LRP6: variants seen among roughly 807,000 people sequenced by gnomAD.
The protein encoded by LRP6 is LDL receptor related protein 6.
A neutral mutation model predicts 184.1 loss-of-function variants in LRP6; 43 were observed. The ratio of observed to expected loss-of-function variants is 0.23; its 90% CI spans 0.18 to 0.30. LRP6 has a LOEUF of 0.30. Ranked by LOEUF, LRP6 falls within the 10% of genes least tolerant of loss-of-function variation. LRP6 has a pLI of 1.00. For synonymous variants in LRP6, 719 were observed against 684.9 expected (o/e 1.05, Z -0.78); for missense variants, 1,571 against 2,005.3 (o/e 0.78, Z 4.14).
chr12:12,124,347 TGG>T (rs1336921296), intron 22 of LRP6, among the ~76,000 whole-genome samples: 3 of 152,086 alleles, frequency 2.0e-5, no homozygotes, highest in Non-Finnish European at 4.4e-5. Context: ...CACTCCAGCC[TGG>T]GCAACAAGAG....
intron 1 of LRP6, 44 bp from the exon 2 acceptor site, chr12:12,244,699 C>T (rs201571941): frequency 4.9e-5 from 78 of 1,594,506 alleles, no homozygotes; most frequent in East Asian, 9.0e-5. Context: ...AGGAAGAAAA[C>T]GTATTGGTTC....
Position 12,183,941 on chromosome 12 carries a change from T to C in LRP6, c.976+39A>G, listed in dbSNP as rs1406829864. 5 of 1,581,180 alleles carry C rather than the reference T, an allele frequency of 3.2e-6. No homozygotes were observed. The African/African-American group carries it at 4.0e-5, about 13-fold the overall frequency. On this transcript the variant is annotated intron_variant, in intron 5 of 22. Transcript: ENST00000261349. Reference sequence around the variant, plus strand: ...GAAAACAAATCATGAAGAATTCCAATAGTTATAAAATTTTTCATTTTGGAT... The same window carrying C: ...GAAAACAAATCATGAAGAATTCCAACAGTTATAAAATTTTTCATTTTGGAT...
intron 12 of LRP6, 110 bp downstream of exon 12, chr12:12,158,719 C>T (rs1028317058): frequency 2.4e-5 from 25 of 1,050,778 alleles, no homozygotes; most frequent in Non-Finnish European, 3.5e-5. Flanking sequence ...AAACAAATAA[C>T]CCCCTCTGGA....
intron 2 of LRP6, among the ~76,000 whole-genome samples, chr12:12,227,270 G>A (rs1364565328): frequency 6.6e-6 from 1 of 152,140 alleles, no homozygotes; most frequent in African/African-American, 2.4e-5. Context: ...TTTGTTACCA[G>A]TAGACCTGCG....
intron 19 of LRP6, among the ~76,000 whole-genome samples, chr12:12,127,357 C>T (rs1404407367): frequency 2.6e-5 from 4 of 152,156 alleles, no homozygotes; most frequent in African/African-American, 9.7e-5. Context: ...GAAAAGTCAT[C>T]AAATGTTTTA....
intron 1 of LRP6, 115 bp downstream of exon 1, chr12:12,266,552 CACGACCAGGCCTCT>C: frequency 3.0e-5 from 25 of 839,912 alleles, no homozygotes; most frequent in Admixed American, 1.5e-4. Flanking sequence ...TCCCCCTCCC[CACGACCAGGCCTCT>C]CCCCGCTCCT....
intron 7 of LRP6, among the ~76,000 whole-genome samples, chr12:12,176,244 C>T (rs915264578): frequency 1.3e-5 from 2 of 152,104 alleles, no homozygotes; most frequent in Non-Finnish European, 2.9e-5. Context: ...GACAAGTAAA[C>T]TAGGTTTGTC....
chr12:12,158,821 C>T lies in LRP6; in HGVS notation c.2791+8G>A, dbSNP rs755694395. On this transcript the variant is annotated splice_region_variant and intron_variant, in intron 12 of 22. Coordinates refer to ENST00000261349, the MANE Select transcript of LRP6 (RefSeq NM_002336.3). ...TTCTAGCTTGCTTTGGAGGGAAATG[C>T]AGCTTACCACTACAAGTCCTGTTGT... is the stretch of plus-strand genomic sequence containing the variant. 1 of 1,613,546 alleles carries T rather than the reference C, an allele frequency of 6.2e-7. No homozygotes were observed. Among genetic ancestry groups the T allele is most frequent in the South Asian group, 1.1e-5 (1 of 91,070 alleles).
rs764270308 is a variant in LRP6, at chr12:12,149,140, A to C, written c.3008T>G (p.Val1003Gly). The C allele has an allele frequency of 1.2e-5, 19 of 1,613,818 alleles. No homozygotes were observed. Among genetic ancestry groups the C allele is most frequent in the Non-Finnish European group, 1.4e-5 (16 of 1,179,894 alleles). ...QEDGSQGFTVVVSSVPSQNLE... is the reference protein window; with the variant it reads ...QEDGSQGFTVGVSSVPSQNLE... ...GTTCTGACTCGGAACTGAGCTCACA[A>C]CCACAGTAAAGCCCTAGGGAAAAAA... The change falls in exon 14 of 23, where the codon GTT becomes GGT. Residue 1003 changes from valine to glycine, a missense_variant. Physicochemically the swap from Val to Gly is moderately radical, Grantham distance 109. Around this residue, in one of 4 missense-constraint regions of LRP6, gnomAD observed 763 missense variants for 859.5 expected, o/e 0.89. Coordinates refer to ENST00000261349, the MANE Select transcript of LRP6 (RefSeq NM_002336.3).
chr12:12,166,253 G>A (rs1454138804), intron 7 of LRP6, among the ~76,000 whole-genome samples: 6 of 152,150 alleles, frequency 3.9e-5, no homozygotes, highest in Non-Finnish European at 7.3e-5. Context: ...TGGGACTCTG[G>A]AAGGCTTGCT....
In LRP6 at chr12:12,193,125, ATT is replaced by A. The variant is rs532302586; in HGVS notation, c.648-6008_648-6007del. ...TCAAATTATTTTCTAAATTTTTGAA[ATT>A]TCTTTCTCAATTTCCTCTAAATCAG... On this transcript the variant is annotated intron_variant, in intron 3 of 22. Transcript: ENST00000261349. Among the ~76,000 whole-genome samples, 17 of 152,112 alleles carry A rather than the reference ATT, an allele frequency of 1.1e-4. No individual in the cohort carries two copies. The East Asian group carries it at 3.1e-3, about 28-fold the overall frequency.
intron 2 of LRP6, among the ~76,000 whole-genome samples, chr12:12,224,457 A>G (rs571540160): frequency 6.6e-6 from 1 of 152,034 alleles, no homozygotes; most frequent in Non-Finnish European, 1.5e-5. Context: ...GACTCATTTC[A>G]GAAAACTTCA....
At chr12:12,195,015 T>G (rs1455821292) in intron 3 of LRP6, among the ~76,000 whole-genome samples, 1 of 152,122 alleles carries the variant, frequency 6.6e-6, no homozygotes, top group Admixed American at 6.5e-5. Flanking sequence ...CTATCCATAT[T>G]GCTGAGAATG....
chr12:12,160,545 A>G (rs767009352), intron 10 of LRP6, among the ~76,000 whole-genome samples: 8 of 152,298 alleles, frequency 5.3e-5, no homozygotes, highest in Non-Finnish European at 7.4e-5. Context: ...TGGTAAGAAC[A>G]ACGACTCACC....
At chr12:12,154,810 A>T (rs955049668) in intron 12 of LRP6, among the ~76,000 whole-genome samples, 1 of 152,216 alleles carries the variant, frequency 6.6e-6, no homozygotes, top group Non-Finnish European at 1.5e-5. Flanking sequence ...GAAAAGAAAA[A>T]TTTATTTAGG....
At chr12:12,254,763 G>A (rs1050051587) in intron 1 of LRP6, among the ~76,000 whole-genome samples, 3 of 152,110 alleles carry the variant, frequency 2.0e-5, no homozygotes, top group African/African-American at 7.2e-5. Flanking sequence ...TAGGAAAACT[G>A]GCCTGGTAAC....
intron 2 of LRP6, among the ~76,000 whole-genome samples, chr12:12,219,113 T>G (rs117001679): frequency 0.041 from 6,281 of 152,180 alleles, 179 homozygotes; most frequent in Middle Eastern, 0.16. Flanking sequence ...ACAGCAAGGC[T>G]CCATCTCAAA....
At chr12:12,182,411 C>A (rs995412892) in intron 5 of LRP6, among the ~76,000 whole-genome samples, 3 of 146,142 alleles carry the variant, frequency 2.1e-5, no homozygotes, top group African/African-American at 7.4e-5. Context: ...AATGAAGATA[C>A]TGAGCTCAAT....
intron 3 of LRP6, among the ~76,000 whole-genome samples, chr12:12,202,781 G>A (rs1863949978): frequency 1.3e-5 from 2 of 152,160 alleles, no homozygotes; most frequent in South Asian, 4.1e-4. Context: ...TTTTGAGTGG[G>A]ACACTCTTTG....
Sources: gnomAD v4.1 joint callset for allele counts (sites outside exome capture counted in the v4.1 genomes callset) on GRCh38, gnomAD v4.1.1 for gene constraint, gnomAD v4.1.1 regional missense constraint, MANE v1.5 for transcripts, NCBI Gene and HGNC (gene_info 2026-07-23, HGNC 2026-07-21) for gene names.